CDYL2: variants seen among roughly 807,000 people sequenced by gnomAD.
CDYL2 encodes chromodomain Y-like protein 2.
In CDYL2, 23 loss-of-function variants were observed where a neutral mutation model predicts 49.4. The observed-to-expected ratio is 0.47, with a 90% CI of 0.34 to 0.66. The LOEUF (loss-of-function observed/expected upper bound fraction) is 0.66, where lower values mean the gene tolerates loss of function less well. Ranked by LOEUF, CDYL2 falls within the 30% of genes least tolerant of loss-of-function variation. The pLI is 0.01. For missense variants in CDYL2, 678 were observed against 656.4 expected, an observed-to-expected ratio of 1.03 and a Z score of -0.36; for synonymous variants, 360 against 268.8, an observed-to-expected ratio of 1.34 and a Z score of -3.32.
chr16:80,755,143 C>T (rs1444689010), intron 1 of CDYL2, among the ~76,000 whole-genome samples: 4 of 152,144 alleles, frequency 2.6e-5, no homozygotes, highest in Non-Finnish European at 4.4e-5. Context: ...TTAATGCACA[C>T]ATATATTTTA....
chr16:80,662,707 A>T, intron 2 of CDYL2: 1 of 455,554 alleles, frequency 2.2e-6, no homozygotes. Flanking sequence ...TTGAAATTTT[A>T]ATTTTTTAAT....
At chr16:80,728,132 T>A (rs1905223873) in intron 1 of CDYL2, among the ~76,000 whole-genome samples, 1 of 152,070 alleles carries the variant, frequency 6.6e-6, no homozygotes. Flanking sequence ...GAAGAAGGCT[T>A]CAGACGATCA....
chr16:80,602,118 T>C lies in CDYL2; in HGVS notation c.*2270A>G, dbSNP rs1019248285. On this transcript the variant is annotated 3_prime_UTR_variant, in exon 7 of 7. Coordinates refer to ENST00000570137, the MANE Select transcript of CDYL2 (RefSeq NM_152342.4). ...GAAAATTTAGCAGTAGTGAAGACAC[T>C]GTCTGCCACAATATGTAAGAACCAG... The C allele has an allele frequency of 5.3e-5, 8 of 152,248 alleles. No individual in the cohort carries two copies. The highest frequency in any genetic ancestry group is 8.8e-5 in the Non-Finnish European group (6 of 68,042). 9.4% of individuals were successfully genotyped at this position (152,248 alleles called of 1,614,324 possible). A position where few individuals can be genotyped will look rare whatever the true frequency, so the allele number is the denominator to read the frequency against.
chr16:80,788,084 G>A (rs770429900), intron 1 of CDYL2, among the ~76,000 whole-genome samples: 7 of 151,942 alleles, frequency 4.6e-5, no homozygotes, highest in African/African-American at 7.3e-5. Flanking sequence ...CATGCCAAAT[G>A]AAAGAAAAAG....
intron 1 of CDYL2, among the ~76,000 whole-genome samples, chr16:80,801,549 T>G (rs1369939860): frequency 1.3e-5 from 2 of 152,248 alleles, no homozygotes; most frequent in Non-Finnish European, 2.9e-5. Context: ...ATATATCAAT[T>G]ACAAACGTAA....
chr16:80,743,575 T>A (rs1280870228), intron 1 of CDYL2, among the ~76,000 whole-genome samples: 2 of 152,218 alleles, frequency 1.3e-5, no homozygotes, highest in South Asian at 4.1e-4. Flanking sequence ...TGAAGCGGGA[T>A]TGGCATTAGC....
At chr16:80,724,990 C>T (rs1428395274) in intron 1 of CDYL2, among the ~76,000 whole-genome samples, 3 of 152,224 alleles carry the variant, frequency 2.0e-5, no homozygotes, top group Non-Finnish European at 2.9e-5. Flanking sequence ...GACTTCTGAG[C>T]AGTCTACTGA....
Position 80,758,624 on chromosome 16 carries a change from G to A in CDYL2, c.24+45526C>T, listed in dbSNP as rs140087431. On this transcript the variant is annotated intron_variant, in intron 1 of 6. Coordinates refer to ENST00000570137, the MANE Select transcript of CDYL2 (RefSeq NM_152342.4). ...GTGGCACGATCTCCGCTCACTGCAAGCTCTGCCTCCCTGGTTCACGCCATT... is the reference window on the plus strand; with the variant it reads ...GTGGCACGATCTCCGCTCACTGCAAACTCTGCCTCCCTGGTTCACGCCATT... 9.1e-3 allele frequency among the ~76,000 whole-genome samples: 1,322 copies of A among 144,952 alleles called. 26 individuals are homozygous for A. The highest frequency in any genetic ancestry group is 0.032 in the African/African-American group (1,241 of 39,276).
chr16:80,792,370 G>T (rs916002754), intron 1 of CDYL2, among the ~76,000 whole-genome samples: 1 of 152,134 alleles, frequency 6.6e-6, no homozygotes, highest in Non-Finnish European at 1.5e-5. Context: ...GCCATTCTAG[G>T]AAAATATTTC....
chr16:80,708,243 G>A (rs983588915), intron 1 of CDYL2, among the ~76,000 whole-genome samples: 2 of 152,184 alleles, frequency 1.3e-5, no homozygotes, highest in African/African-American at 2.4e-5. Flanking sequence ...TAATCCCCAC[G>A]TGTCAAGGTC....
At chr16:80,680,469 T>G (rs1048314269) in intron 2 of CDYL2, among the ~76,000 whole-genome samples, 1 of 152,114 alleles carries the variant, frequency 6.6e-6, no homozygotes, top group Non-Finnish European at 1.5e-5. Context: ...TTTCACAGAG[T>G]AAAGGCTCGT....
chr16:80,607,608 T>C (rs1008319468), intron 6 of CDYL2, among the ~76,000 whole-genome samples: 5 of 152,216 alleles, frequency 3.3e-5, no homozygotes, highest in African/African-American at 9.6e-5. Context: ...AGAGGTGTTA[T>C]TTGTTTATGT....
intron 1 of CDYL2, among the ~76,000 whole-genome samples, chr16:80,707,365 G>A (rs1335788522): frequency 2.0e-5 from 3 of 152,150 alleles, no homozygotes; most frequent in South Asian, 4.1e-4. Context: ...GGAGGCTAAT[G>A]CAGGAGGATC....
chr16:80,738,958 A>G (rs1905636207), intron 1 of CDYL2, among the ~76,000 whole-genome samples: 1 of 152,228 alleles, frequency 6.6e-6, no homozygotes, highest in African/African-American at 2.4e-5. Context: ...TTCAGCTGTA[A>G]AAGATCAGAG....
chr16:80,708,792 T>C (rs1382581298), intron 1 of CDYL2, among the ~76,000 whole-genome samples: 2 of 152,172 alleles, frequency 1.3e-5, no homozygotes, highest in East Asian at 1.9e-4. Context: ...TAGAAGCTTA[T>C]TGTGTAGTTC....
Position 80,620,873 on chromosome 16 carries a change from G to C in CDYL2, c.897C>G (p.Leu299=). 2.5e-6 allele frequency: 4 copies of C among 1,612,222 alleles called. No individual in the cohort carries two copies. Among genetic ancestry groups the C allele is most frequent in the Non-Finnish European group, 3.4e-6 (4 of 1,178,566 alleles). ...AGAACACGCTCCCCACTGCGCTGAG[G>C]AGCAGCAGTTTGCTGTCGTCTGTGG... ...NAATDDSKLL[L]LSAVGSVFCS... is the part of the protein sequence containing the mutation. Residue 299 remains leucine, a synonymous_variant, in exon 4 of 7, where the codon CTC becomes CTG. Coordinates refer to ENST00000570137, the MANE Select transcript of CDYL2 (RefSeq NM_152342.4).
At chr16:80,620,525 A>G (rs1304868941) in intron 4 of CDYL2, among the ~76,000 whole-genome samples, 1 of 152,252 alleles carries the variant, frequency 6.6e-6, no homozygotes, top group East Asian at 1.9e-4. Context: ...AAGCATCCCT[A>G]ATTTTGGCAG....
chr16:80,790,272 C>T (rs572806235), intron 1 of CDYL2, among the ~76,000 whole-genome samples: 4 of 152,082 alleles, frequency 2.6e-5, no homozygotes, highest in Non-Finnish European at 5.9e-5. Context: ...CGTGGCTACA[C>T]AAATGCCAAG....
intron 1 of CDYL2, among the ~76,000 whole-genome samples, chr16:80,714,344 C>A (rs946682476): frequency 3.3e-5 from 5 of 152,044 alleles, no homozygotes; most frequent in African/African-American, 1.2e-4. Context: ...ATGTTCCCCA[C>A]ACGAAGAAAT....
Sources: allele counts gnomAD v4.1 joint callset (sites outside exome capture counted in the v4.1 genomes callset), GRCh38; gene constraint gnomAD v4.1.1; transcripts MANE v1.5; gene names NCBI Gene and HGNC (gene_info 2026-07-23, HGNC 2026-07-21).